The following ATP10A variants were observed in gnomAD, a reference collection of about 807,000 sequenced individuals.
ATP10A encodes the protein phospholipid-transporting ATPase VA.
Under a neutral mutation model 147.8 loss-of-function variants are expected in ATP10A, and 111 were observed. The observed-to-expected ratio is 0.75, with a 90% CI of 0.64 to 0.88. The LOEUF (loss-of-function observed/expected upper bound fraction) is 0.88, where lower values mean the gene tolerates loss of function less well. ATP10A is among the 40% of genes least tolerant of loss of function. The pLI is 0.00. For synonymous variants in ATP10A, 875 were observed against 841.6 expected (o/e 1.04, Z -0.69); for missense variants, 1,927 against 1,959.0 (o/e 0.98, Z 0.31).
chr15:25,827,671 T>A (rs1892173429), intron 1 of ATP10A, among the ~76,000 whole-genome samples: 1 of 151,886 alleles, frequency 6.6e-6, no homozygotes, highest in African/African-American at 2.4e-5. Context: ...GACAAGGAGA[T>A]AAAAATGGCA....
intron 2 of ATP10A, among the ~76,000 whole-genome samples, chr15:25,767,932 G>A (rs1454998530): frequency 6.6e-6 from 1 of 152,212 alleles, no homozygotes; most frequent in African/African-American, 2.4e-5. Flanking sequence ...TGGGTGCATG[G>A]GCAGGCACTG....
At chr15:25,765,980 A>G (rs1230456048) in intron 2 of ATP10A, among the ~76,000 whole-genome samples, 4 of 152,192 alleles carry the variant, frequency 2.6e-5, no homozygotes, top group Non-Finnish European at 4.4e-5. Context: ...ATTGCTAATA[A>G]AGACATACCC....
intron 1 of ATP10A, among the ~76,000 whole-genome samples, chr15:25,852,748 T>C (rs1051617879): frequency 2.0e-5 from 3 of 152,214 alleles, no homozygotes; most frequent in African/African-American, 7.2e-5. Flanking sequence ...TGGTGTGTTC[T>C]TCAAGCACAG....
intron 1 of ATP10A, among the ~76,000 whole-genome samples, chr15:25,833,971 C>G (rs1289103743): frequency 7.0e-6 from 1 of 142,604 alleles, no homozygotes; most frequent in Non-Finnish European, 1.5e-5. Context: ...GACTGTGTCT[C>G]AAAAAAAACG....
At chr15:25,824,059 C>T (rs981957966) in intron 1 of ATP10A, among the ~76,000 whole-genome samples, 2 of 152,146 alleles carry the variant, frequency 1.3e-5, no homozygotes, top group Admixed American at 6.5e-5. Flanking sequence ...AGTTTACCAA[C>T]CCCCACCACT....
chr15:25,802,470 C>T (rs1890983309), intron 1 of ATP10A, among the ~76,000 whole-genome samples: 1 of 152,206 alleles, frequency 6.6e-6, no homozygotes, highest in African/African-American at 2.4e-5. Context: ...GCTGCAGTAA[C>T]AGGTCACCAC....
chr15:25,725,635 TTTC>T lies in ATP10A; in HGVS notation c.979+313_979+315del, dbSNP rs1261750427. On this transcript the variant is annotated intron_variant, in intron 5 of 20. Coordinates refer to ENST00000555815, the MANE Select transcript of ATP10A (RefSeq NM_024490.4). ...CACCTGGAGCCCACTCATTTCTTTC[TTTC>T]TTTTTTTTTTTTTGGAAACAGAATC... Among the ~76,000 whole-genome samples the T allele has an allele frequency of 5.8e-4, 85 of 147,322 alleles. 1 individual carries two copies. Among genetic ancestry groups the T allele is most frequent in the African/African-American group, 2.2e-3 (84 of 39,038 alleles).
At chr15:25,843,546 G>A (rs1487498544) in intron 1 of ATP10A, among the ~76,000 whole-genome samples, 3 of 152,032 alleles carry the variant, frequency 2.0e-5, no homozygotes, top group Non-Finnish European at 4.4e-5. Context: ...TTTGCATCCC[G>A]CATCACAGCA....
rs373962201 is a variant in ATP10A, at chr15:25,698,081, T to C, written c.2761-2935A>G. Among the ~76,000 whole-genome samples, 52 of 152,282 alleles carry C rather than the reference T, an allele frequency of 3.4e-4. 1 individual carries two copies. In the East Asian group the frequency reaches 8.3e-3, roughly 24 times the overall value. On this transcript the variant is annotated intron_variant, in intron 13 of 20. Transcript: ENST00000555815. ...GATGACAAAATGTAATGTAGTGTTC[T>C]GGATGGGATCCCAGAACAAAAAAAG...
At chr15:25,841,473 G>C (rs1004815123) in intron 1 of ATP10A, 2 of 151,682 alleles carry the variant, frequency 1.3e-5, no homozygotes, top group African/African-American at 4.8e-5. Flanking sequence ...TCCACAGTAA[G>C]CATTAATATT....
At chr15:25,696,144 T>A (rs1900326265) in intron 13 of ATP10A, among the ~76,000 whole-genome samples, 1 of 152,132 alleles carries the variant, frequency 6.6e-6, no homozygotes, top group Non-Finnish European at 1.5e-5. Flanking sequence ...GCTGGGTCAG[T>A]GACCAGTGCC....
At chr15:25,681,620 C>T (rs143361443) in intron 17 of ATP10A, among the ~76,000 whole-genome samples, 2,025 of 152,294 alleles carry the variant, frequency 0.013, 25 homozygotes, top group Middle Eastern at 0.031. Context: ...CTCACTCTCT[C>T]AGGACTTTTG....
intron 1 of ATP10A, among the ~76,000 whole-genome samples, chr15:25,785,696 G>A (rs879459001): frequency 5.3e-5 from 8 of 152,106 alleles, no homozygotes; most frequent in Admixed American, 1.3e-4. Context: ...CTTAATACCA[G>A]CCACTCAACC....
intron 1 of ATP10A, among the ~76,000 whole-genome samples, chr15:25,852,705 T>C (rs191675757): frequency 8.6e-4 from 131 of 152,332 alleles, no homozygotes; most frequent in Middle Eastern, 3.4e-3. Flanking sequence ...CCACTGTCTG[T>C]TATGCAGGCC....
At chr15:25,747,860 C>T (rs1016694287) in intron 2 of ATP10A, among the ~76,000 whole-genome samples, 8 of 152,112 alleles carry the variant, frequency 5.3e-5, no homozygotes, top group African/African-American at 1.4e-4. Context: ...AGAACAAATA[C>T]TTCTTAATTT....
chr15:25,823,622 T>C (rs1466786526), intron 1 of ATP10A, among the ~76,000 whole-genome samples: 1 of 152,220 alleles, frequency 6.6e-6, no homozygotes, highest in African/African-American at 2.4e-5. Flanking sequence ...CGGTACAATT[T>C]ATTCACAGCA....
intron 2 of ATP10A, among the ~76,000 whole-genome samples, chr15:25,771,393 G>T (rs2140666015): frequency 6.6e-6 from 1 of 152,246 alleles, no homozygotes; most frequent in Non-Finnish European, 1.5e-5. Flanking sequence ...AACATAGTGA[G>T]ACCTTCCTAT....
intron 2 of ATP10A, among the ~76,000 whole-genome samples, chr15:25,740,787 C>T (rs1887542885): frequency 6.6e-6 from 1 of 152,198 alleles, no homozygotes; most frequent in Non-Finnish European, 1.5e-5. Flanking sequence ...CAGAAGTTTT[C>T]CACCTTAACA....
At chr15:25,700,521 G>T (rs1414821538) in intron 13 of ATP10A, among the ~76,000 whole-genome samples, 5 of 152,206 alleles carry the variant, frequency 3.3e-5, no homozygotes, top group Non-Finnish European at 7.3e-5. Context: ...ACTGGTTCAT[G>T]CAACAGCTCA....
Sources: gnomAD v4.1 joint callset for allele counts (sites outside exome capture counted in the v4.1 genomes callset) on GRCh38, gnomAD v4.1.1 for gene constraint, MANE v1.5 for transcripts, NCBI Gene and HGNC (gene_info 2026-07-23, HGNC 2026-07-21) for gene names.